The following SAMD5 variants were observed in gnomAD, a reference collection of about 807,000 sequenced individuals.
The protein encoded by SAMD5 is sterile alpha motif domain-containing protein 5.
Under a neutral mutation model 11.3 loss-of-function variants are expected in SAMD5, and 13 were observed. That is an observed-to-expected ratio of 1.15 (90% confidence interval 0.75 to 1.83). SAMD5 has a LOEUF of 1.83. SAMD5 is among the 40% of genes most tolerant of loss of function. SAMD5 has a pLI of 0.00. For synonymous variants in SAMD5, 129 were observed against 111.3 expected (o/e 1.16, Z -1.00); for missense variants, 255 against 239.1 (o/e 1.07, Z -0.44).
At chr6:147,720,233 G>T (rs555037178) in intron 1 of SAMD5, among the ~76,000 whole-genome samples, 1 of 152,262 alleles carries the variant, frequency 6.6e-6, no homozygotes, top group South Asian at 2.1e-4. Flanking sequence ...AGGCCAGGGC[G>T]GGCGGATCAC....
At chr6:147,669,494 C>T (rs1790767333) in intron 1 of SAMD5, among the ~76,000 whole-genome samples, 1 of 135,438 alleles carries the variant, frequency 7.4e-6, no homozygotes, top group African/African-American at 2.9e-5. Flanking sequence ...GTGTCATGGT[C>T]TCGGCTCACT....
At chr6:147,886,475 C>T in the SAMD5 span, among the ~76,000 whole-genome samples, 1 of 152,056 alleles carries the variant, frequency 6.6e-6, no homozygotes, top group South Asian at 2.1e-4. Flanking sequence ...AAAGTGACCT[C>T]TGCCTCTTGG....
chr6:147,634,181 G>A lies in SAMD5; in HGVS notation c.163-103136G>A, dbSNP rs1790191062. ...GCTAAAAAGAACTACCTGAGACTGG[G>A]TAACGTATAAAGAAAAGAGGTTTAT... On this transcript the variant is annotated intron_variant, in intron 1 of 1. Coordinates refer to the SAMD5 transcript ENST00000566741. Among the ~76,000 whole-genome samples the A allele has an allele frequency of 2.0e-5, 3 of 152,174 alleles. No homozygotes were observed. The South Asian group carries it at 6.2e-4, about 32-fold the overall frequency.
At chr6:147,657,402 A>G (rs1790586527) in intron 1 of SAMD5, among the ~76,000 whole-genome samples, 1 of 152,158 alleles carries the variant, frequency 6.6e-6, no homozygotes, top group Admixed American at 6.5e-5. Flanking sequence ...TATGTAATTT[A>G]TTTTAATAAA....
At chr6:147,611,375 C>T (rs373810822) in intron 1 of SAMD5, among the ~76,000 whole-genome samples, 6 of 151,986 alleles carry the variant, frequency 3.9e-5, no homozygotes, top group African/African-American at 1.4e-4. Context: ...AGTTTGAGAG[C>T]AACATGGTGA....
At chr6:147,662,446 A>T in intron 1 of SAMD5, among the ~76,000 whole-genome samples, 1 of 152,236 alleles carries the variant, frequency 6.6e-6, no homozygotes, top group East Asian at 1.9e-4. Context: ...CTTAGAAATG[A>T]AGAAAAATGG....
chr6:147,622,172 C>A (rs571248849), intron 1 of SAMD5, among the ~76,000 whole-genome samples: 1 of 152,138 alleles, frequency 6.6e-6, no homozygotes, highest in East Asian at 1.9e-4. Flanking sequence ...CAGGACCCCC[C>A]ACTGTGGATA....
At chr6:147,624,192 T>C (rs1015158268) in intron 1 of SAMD5, among the ~76,000 whole-genome samples, 1 of 152,160 alleles carries the variant, frequency 6.6e-6, no homozygotes, top group Non-Finnish European at 1.5e-5. Flanking sequence ...CTGAAATCAA[T>C]GGAGAGTAAA....
Position 147,564,831 on chromosome 6 carries a change from AT to A in SAMD5, c.*378del, listed in dbSNP as rs1789011442. 1 of 970,198 alleles carries A rather than the reference AT, an allele frequency of 1.0e-6. No individual in the cohort carries two copies. Among genetic ancestry groups the A allele is most frequent in the Non-Finnish European group, 1.2e-6 (1 of 814,352 alleles). The allele number at this position is 970,198 out of a possible 1,614,324, so 60.1% of individuals were successfully genotyped here. A position where few individuals can be genotyped will look rare whatever the true frequency, so the allele number is the denominator to read the frequency against. On this transcript the variant is annotated 3_prime_UTR_variant, in exon 2 of 2. Coordinates refer to ENST00000367474, the MANE Select transcript of SAMD5 (RefSeq NM_001030060.3). The stretch of plus-strand genomic sequence containing the variant: ...TAAGTACAATATAACAAAAAGGTAG[AT>A]TTCTGACAGTAAGTAGTAATTATAT...
chr6:147,600,060 G>A (rs926235909), intron 1 of SAMD5, among the ~76,000 whole-genome samples: 2 of 152,088 alleles, frequency 1.3e-5, no homozygotes, highest in East Asian at 3.9e-4. Flanking sequence ...GGAGCATTCT[G>A]GTTTGGGAGT....
At chr6:147,806,314 GCGCGCA>G in the SAMD5 span, among the ~76,000 whole-genome samples, 18 of 138,344 alleles carry the variant, frequency 1.3e-4, no homozygotes, top group African/African-American at 5.1e-4. Flanking sequence ...GCGCGCGCGC[GCGCGCA>G]CACACACACA....
chr6:147,791,069 C>T, the SAMD5 span, among the ~76,000 whole-genome samples: 4 of 151,780 alleles, frequency 2.6e-5, no homozygotes, highest in South Asian at 2.1e-4. Context: ...CTGGGGTGGG[C>T]GGATCACTTG....
rs1488115892 is a variant in SAMD5, at chr6:147,728,933, T to G, written c.163-8384T>G. On this transcript the variant is annotated intron_variant, in intron 1 of 1. Transcript: ENST00000566741. Reference sequence around the variant, plus strand: ...TAAAAGTGTTCTTTAAAAAAATGATTGTGCAAGGCTGTATTCTTCTGCTGG... The same window carrying G: ...TAAAAGTGTTCTTTAAAAAAATGATGGTGCAAGGCTGTATTCTTCTGCTGG... Among the ~76,000 whole-genome samples the G allele has an allele frequency of 3.3e-5, 5 of 152,228 alleles. No individual in the cohort carries two copies. The East Asian group carries it at 9.6e-4, about 29-fold the overall frequency.
chr6:147,571,982 CTT>C (rs143834984), downstream of SAMD5, among the ~76,000 whole-genome samples: 22 of 128,246 alleles, frequency 1.7e-4, no homozygotes, highest in Non-Finnish European at 1.8e-4. Flanking sequence ...GTAATTTCAA[CTT>C]TTTTTTTTTT....
At chr6:147,763,982 C>T in the SAMD5 span, among the ~76,000 whole-genome samples, 2 of 152,328 alleles carry the variant, frequency 1.3e-5, no homozygotes, top group African/African-American at 2.4e-5. Flanking sequence ...TGGGTGCACA[C>T]GTGCACGCAG....
the SAMD5 span, among the ~76,000 whole-genome samples, chr6:147,815,850 C>A: frequency 2.0e-5 from 3 of 152,064 alleles, no homozygotes; most frequent in African/African-American, 7.2e-5. Flanking sequence ...AGTATTCAAT[C>A]TGGCTTCAAT....
chr6:147,920,373 T>A, the SAMD5 span, among the ~76,000 whole-genome samples: 9 of 152,182 alleles, frequency 5.9e-5, no homozygotes, highest in Non-Finnish European at 8.8e-5. Flanking sequence ...CACCAGTGGT[T>A]TGCCAGGGGT....
At chr6:147,620,011 C>A (rs747191067) in intron 1 of SAMD5, among the ~76,000 whole-genome samples, 1 of 152,172 alleles carries the variant, frequency 6.6e-6, no homozygotes, top group Non-Finnish European at 1.5e-5. Context: ...AAGGCTTCTA[C>A]GTGAAATATA....
chr6:147,529,232 T>G (rs4896922), intron 1 of SAMD5, among the ~76,000 whole-genome samples: 121,629 of 152,124 alleles, frequency 0.8, 49,564 homozygotes, highest in East Asian at 1. Flanking sequence ...AGTATTTGCA[T>G]TTATATTTAT....
Sources: gnomAD v4.1 joint callset for allele counts (sites outside exome capture counted in the v4.1 genomes callset) on GRCh38, gnomAD v4.1.1 for gene constraint, MANE v1.5 for transcripts, NCBI Gene and HGNC (gene_info 2026-07-23, HGNC 2026-07-21) for gene names.